Variants in HRH4 observed in about 807,000 individuals in gnomAD.
HRH4 encodes the protein histamine receptor H4, also known as histamine H4 receptor.
In HRH4, 12 loss-of-function variants were observed where a neutral mutation model predicts 10.4. The observed-to-expected ratio is 1.15, with a 90% CI of 0.74 to 1.87. The LOEUF is 1.87. HRH4 is among the 40% of genes most tolerant of loss of function. HRH4 has a pLI of 0.00. For missense variants in HRH4, 415 were observed against 453.3 expected (o/e 0.92, Z 0.77); for synonymous variants, 154 against 166.6 (o/e 0.92, Z 0.58).
At chr18:24,466,476 C>T (rs905639304) in intron 1 of HRH4, among the ~76,000 whole-genome samples, 44 of 151,912 alleles carry the variant, frequency 2.9e-4, no homozygotes, top group Non-Finnish European at 5.4e-4. Flanking sequence ...AGATGAAAGG[C>T]ACCCTAAGGA....
intron 1 of HRH4, among the ~76,000 whole-genome samples, chr18:24,468,487 C>A (rs1215316084): frequency 6.6e-6 from 1 of 152,210 alleles, no homozygotes; most frequent in East Asian, 1.9e-4. Flanking sequence ...ATGTCCAGTA[C>A]AGATGCAGTT....
intron 2 of HRH4, among the ~76,000 whole-genome samples, chr18:24,475,716 A>G (rs779715430): frequency 7.9e-5 from 12 of 152,198 alleles, no homozygotes; most frequent in Non-Finnish European, 1.3e-4. Flanking sequence ...AGGTTTAAAA[A>G]TCCTTTTTGG....
Position 24,460,785 on chromosome 18 carries a change from AT to A in HRH4, c.63del (p.Phe21LeufsTer4). On this transcript the variant is annotated frameshift_variant, in exon 1 of 3. Coordinates refer to ENST00000256906, the MANE Select transcript of HRH4 (RefSeq NM_021624.4). LOFTEE classifies it high-confidence loss of function. ...CACTAAGCACTCGTGTTACTTTAGC[AT>A]TTTTTATGTCCTTAGTAGCTTTTGC... Reference protein sequence around the residue: ...LSLSTRVTLAFFMSLVAFAIM... With the variant: ...LSLSTRVTLAXFMSLVAFAIM... 3 of 1,558,180 alleles carry A rather than the reference AT, an allele frequency of 1.9e-6. No individual in the cohort carries two copies. Among genetic ancestry groups the A allele is most frequent in the South Asian group, 2.4e-5 (2 of 82,374 alleles).
At chr18:24,464,165 G>T (rs1909714940) in intron 1 of HRH4, among the ~76,000 whole-genome samples, 1 of 152,148 alleles carries the variant, frequency 6.6e-6, no homozygotes, top group Non-Finnish European at 1.5e-5. Flanking sequence ...CCCTAGACTG[G>T]GTGGCTTAAA....
At chr18:24,470,267 C>T (rs760670496) in intron 2 of HRH4, among the ~76,000 whole-genome samples, 34 of 152,124 alleles carry the variant, frequency 2.2e-4, no homozygotes, top group Non-Finnish European at 4.0e-4. Flanking sequence ...ACCCAGGAAC[C>T]CTGCTGGCAG....
rs34478102 is a variant in HRH4, at chr18:24,461,764, CTT to C, written c.193+858_193+859del. ...TTGTTACTCAACAAATGTTAGTTCT[CTT>C]TTTTTTTTTTTTTTAATTTCTCTGC... On this transcript the variant is annotated intron_variant, in intron 1 of 2. Coordinates refer to ENST00000256906, the MANE Select transcript of HRH4 (RefSeq NM_021624.4). Among the ~76,000 whole-genome samples, 1,150 of 140,886 alleles carry C rather than the reference CTT, an allele frequency of 8.2e-3. 17 individuals carry two copies. The highest frequency in any genetic ancestry group is 0.027 in the African/African-American group (1,048 of 38,972). The allele number at this position is 140,886 out of a possible 152,430, so 92.4% of individuals were successfully genotyped here. A position where few individuals can be genotyped will look rare whatever the true frequency, so the allele number is the denominator to read the frequency against.
intron 2 of HRH4, among the ~76,000 whole-genome samples, chr18:24,469,507 C>T (rs1385774885): frequency 6.6e-6 from 1 of 152,196 alleles, no homozygotes; most frequent in Non-Finnish European, 1.5e-5. Flanking sequence ...ATAGCCTCAT[C>T]TACGAGTTAG....
At chr18:24,476,084 T>C (rs1280747268) in intron 2 of HRH4, among the ~76,000 whole-genome samples, 1 of 152,206 alleles carries the variant, frequency 6.6e-6, no homozygotes, top group Non-Finnish European at 1.5e-5. Flanking sequence ...GATGAGAGTC[T>C]TTCTGTTTTT....
At chr18:24,469,092 T>C in intron 2 of HRH4, 141 bp downstream of exon 2, 1 of 622,456 alleles carries the variant, frequency 1.6e-6, no homozygotes, top group Non-Finnish European at 2.7e-6. Context: ...TTGTCTGGCA[T>C]AAAGTTCTTG....
In HRH4 at chr18:24,478,882, C is replaced by T. The variant is rs1004675619; in HGVS notation, c.*1320C>T. 2.6e-5 allele frequency: 4 copies of T among 151,484 alleles called. No individual in the cohort carries two copies. The highest frequency in any genetic ancestry group is 5.9e-5 in the Non-Finnish European group (4 of 67,936). 9.4% of individuals were successfully genotyped at this position (151,484 alleles called of 1,614,324 possible). ...TAGAGATGAAGTCTCACTGTGTTGC[C>T]CAGCCTGGGTGTCAATAATTATTTT... On this transcript the variant is annotated 3_prime_UTR_variant, in exon 3 of 3. Transcript: ENST00000256906.
In HRH4 at chr18:24,463,910, A is replaced by G. The variant is rs1167696681; in HGVS notation, c.193+2989A>G. On this transcript the variant is annotated intron_variant, in intron 1 of 2. Coordinates refer to ENST00000256906, the MANE Select transcript of HRH4 (RefSeq NM_021624.4). Reference sequence around the variant, plus strand: ...CATCAATATCAATAAAAGTGTTACCATGTAACCAGTGTTTCCATTTGTGGG... The same window carrying G: ...CATCAATATCAATAAAAGTGTTACCGTGTAACCAGTGTTTCCATTTGTGGG... 4.6e-5 allele frequency among the ~76,000 whole-genome samples: 7 copies of G among 152,218 alleles called. No individual in the cohort carries two copies. In the East Asian group the frequency reaches 7.7e-4, roughly 17 times the overall value.
In HRH4 at chr18:24,474,273, A is replaced by AC. The variant is rs1910067522; in HGVS notation, c.358-2474_358-2473insC. ...ACAGGAAGCAGAAGGCAAAAAAAAAAGTGTATCGCATGTGAGAGCTCATGG... is the reference window on the plus strand; with the variant it reads ...ACAGGAAGCAGAAGGCAAAAAAAAAACGTGTATCGCATGTGAGAGCTCATGG... On this transcript the variant is annotated intron_variant, in intron 2 of 2. Transcript: ENST00000256906. 4.6e-5 allele frequency among the ~76,000 whole-genome samples: 7 copies of AC among 151,328 alleles called. No individual in the cohort carries two copies. The South Asian group carries it at 1.5e-3, about 32-fold the overall frequency.
chr18:24,476,955 T>C lies in HRH4; in HGVS notation c.566T>C (p.Leu189Ser), dbSNP rs138611957. The change falls in exon 3 of 3, where the codon TTA becomes TCA. Residue 189 changes from leucine to serine, a missense_variant. Leu to Ser is a moderately radical substitution (Grantham distance 145). Coordinates refer to ENST00000256906, the MANE Select transcript of HRH4 (RefSeq NM_021624.4). The stretch of plus-strand genomic sequence containing the variant: ...TTGGAATTCGTGATCCCAGTCATCT[T>C]AGTCGCTTATTTCAACATGAATATT... The part of the protein sequence containing the change: ...SFLEFVIPVI[L>S]VAYFNMNIYW... 1 of 1,614,130 alleles carries C rather than the reference T, an allele frequency of 6.2e-7. No homozygotes were observed.
intron 1 of HRH4, among the ~76,000 whole-genome samples, chr18:24,468,177 A>G (rs996999356): frequency 6.6e-5 from 10 of 152,022 alleles, no homozygotes; most frequent in African/African-American, 2.4e-4. Context: ...CATATAACCT[A>G]TGTACATCCT....
chr18:24,465,870 C>T (rs771919539), intron 1 of HRH4, among the ~76,000 whole-genome samples: 3 of 152,092 alleles, frequency 2.0e-5, no homozygotes, highest in East Asian at 1.9e-4. Flanking sequence ...AATCAGAAAG[C>T]GTGTGACAAA....
In HRH4 at chr18:24,476,892, T is replaced by A. The variant is rs1910151772; in HGVS notation, c.503T>A (p.Phe168Tyr). ...GAAGGTAGTGAATGTGAACCTGGAT[T>A]TTTTTCGGAATGGTACATCCTTGCC... ...KDEGSECEPG[F>Y]FSEWYILAIT... Residue 168 changes from phenylalanine (F) to tyrosine (Y), a missense_variant, in exon 3 of 3, where the codon TTT (phenylalanine) becomes TAT (tyrosine). By Grantham distance (22) the Phe-to-Tyr change is conservative. Transcript: ENST00000256906. The A allele has an allele frequency of 6.2e-7, 1 of 1,614,206 alleles. No homozygotes were observed. Among genetic ancestry groups the A allele is most frequent in the Admixed American group, 1.7e-5 (1 of 60,018 alleles).
chr18:24,462,423 G>A lies in HRH4; in HGVS notation c.193+1502G>A, dbSNP rs550855882. 5.9e-5 allele frequency among the ~76,000 whole-genome samples: 9 copies of A among 152,072 alleles called. No homozygotes were observed. The South Asian group carries it at 1.7e-3, about 28-fold the overall frequency. On this transcript the variant is annotated intron_variant, in intron 1 of 2. Coordinates refer to ENST00000256906, the MANE Select transcript of HRH4 (RefSeq NM_021624.4). The stretch of plus-strand genomic sequence containing the variant: ...AAATGGGGAAACTGGAGTGTGGGGC[G>A]GCATGCTTTCAGAGATGATCCTGCA...
intron 1 of HRH4, among the ~76,000 whole-genome samples, chr18:24,467,597 G>A (rs1330360167): frequency 1.3e-5 from 2 of 152,134 alleles, no homozygotes; most frequent in Admixed American, 1.3e-4. Flanking sequence ...AGGATGGAGT[G>A]CAGTGGCCCC....
chr18:24,462,008 A>T (rs1909653916), intron 1 of HRH4, among the ~76,000 whole-genome samples: 1 of 152,218 alleles, frequency 6.6e-6, no homozygotes. Flanking sequence ...AAGACCTAAG[A>T]AGTGCTATGG....
Sources: allele counts gnomAD v4.1 joint callset (sites outside exome capture counted in the v4.1 genomes callset), GRCh38; gene constraint gnomAD v4.1.1; transcripts MANE v1.5; gene names NCBI Gene and HGNC (gene_info 2026-07-23, HGNC 2026-07-21).